The following GTPBP1 variants were observed in gnomAD, a reference collection of about 807,000 sequenced individuals.
The protein encoded by GTPBP1 is GTP binding protein 1, also known as GTP-binding protein 1.
A neutral mutation model predicts 62.0 loss-of-function variants in GTPBP1; 23 were observed. The observed-to-expected ratio is 0.37, with a 90% CI of 0.27 to 0.53. The LOEUF (loss-of-function observed/expected upper bound fraction) is 0.53, where lower values mean the gene tolerates loss of function less well. Ranked by LOEUF, GTPBP1 falls within the 20% of genes least tolerant of loss-of-function variation. GTPBP1 has a pLI of 0.89. For synonymous variants in GTPBP1, 344 were observed against 364.4 expected, an observed-to-expected ratio of 0.94 and a Z score of 0.64; for missense variants, 640 against 917.3, an observed-to-expected ratio of 0.70 and a Z score of 3.90.
At chr22:38,739,084 G>A (rs998623669), downstream of GTPBP1, 8 of 1,249,306 alleles carry the variant, frequency 6.4e-6, no homozygotes, top group African/African-American at 4.5e-5. This position sits in a 1 kb window ranked among gnomAD's most constrained non-coding sequence, Gnocchi z 6.7. Context: ...GACGGCAGAT[G>A]CCCCAGGCCT....
chr22:38,707,332 A>G (rs1345460971), intron 1 of GTPBP1, among the ~76,000 whole-genome samples: 1 of 152,238 alleles, frequency 6.6e-6, no homozygotes, highest in Non-Finnish European at 1.5e-5. Context: ...GCAAATTTGC[A>G]TGAAACTTGG....
At chr22:38,738,630 G>A (rs1490324925), downstream of GTPBP1, 28 of 1,613,886 alleles carry the variant, frequency 1.7e-5, no homozygotes, top group Non-Finnish European at 2.3e-5. The surrounding 1 kb of genome is among the most constrained non-coding windows in gnomAD (Gnocchi z 6.6). Context: ...AGTGCTGTTG[G>A]GTGACAAGGC....
At chr22:38,736,469 G>C (rs963661935), downstream of GTPBP1, 1 of 1,063,554 alleles carries the variant, frequency 9.4e-7, no homozygotes, top group East Asian at 2.7e-5. Flanking sequence ...GCCTCGCCTA[G>C]GGCCAGATGG....
chr22:38,725,768 G>A (rs1165977863), intron 6 of GTPBP1: 3 of 534,234 alleles, frequency 5.6e-6, no homozygotes, highest in Non-Finnish European at 6.7e-6. Context: ...GAGAGGAGAG[G>A]ACAGGTGTCA....
Position 38,723,325 on chromosome 22 carries a change from G to C in GTPBP1, c.959-972G>C. 1.2e-5 allele frequency: 10 copies of C among 831,128 alleles called. No homozygotes were observed. The South Asian group carries it at 1.3e-4, about 11-fold the overall frequency. 51.5% of individuals were successfully genotyped at this position (831,128 alleles called of 1,614,324 possible). A position where few individuals can be genotyped will look rare whatever the true frequency, so the allele number is the denominator to read the frequency against. On this transcript the variant is annotated intron_variant, in intron 5 of 11. Coordinates refer to ENST00000216044, the MANE Select transcript of GTPBP1 (RefSeq NM_004286.5). The stretch of plus-strand genomic sequence containing the variant: ...CATGCTGGGCGACAGCAGGTGCATG[G>C]TATGAGGAGCTGGTGCTAAAGAATT...
intron 2 of GTPBP1, among the ~76,000 whole-genome samples, chr22:38,713,950 A>G (rs2092654316): frequency 1.3e-5 from 2 of 152,194 alleles, no homozygotes; most frequent in African/African-American, 2.4e-5. Flanking sequence ...AAGCCATAGA[A>G]CAAGATGGCC....
At chr22:38,734,004 A>G (rs2092780397), downstream of GTPBP1, 3 of 220,924 alleles carry the variant, frequency 1.4e-5, no homozygotes, top group South Asian at 9.1e-5. Flanking sequence ...AGTGAAGGGG[A>G]GTGAGCACAG....
At position 38,727,971 on chromosome 22, in the gene GTPBP1, C is replaced by T; in HGVS notation, c.1538-12C>T. On this transcript the variant is annotated splice_polypyrimidine_tract_variant and intron_variant, in intron 9 of 11. Transcript: ENST00000216044. The surrounding 1 kb of genome is among the most constrained non-coding windows in gnomAD (Gnocchi z 6.5). ...GGCTCCAGCCTATCCTGACCTCTGG[C>T]TTCCTTGACAGTGCACTGTGGGAGC... The T allele has an allele frequency of 6.2e-7, 1 of 1,612,256 alleles. No homozygotes were observed. Among genetic ancestry groups the T allele is most frequent in the South Asian group, 1.1e-5 (1 of 91,010 alleles).
At position 38,726,156 on chromosome 22, in the gene GTPBP1, T is replaced by C; in HGVS notation, c.1218+6T>C. ...ATGACACCTACTCCGTCCCGGTAAGTGGCTCTGGGCGGGTAGCTGGGTGGG... is the reference window on the plus strand; with the variant it reads ...ATGACACCTACTCCGTCCCGGTAAGCGGCTCTGGGCGGGTAGCTGGGTGGG... On this transcript the variant is annotated splice_donor_region_variant and intron_variant, in intron 7 of 11. Coordinates refer to ENST00000216044, the MANE Select transcript of GTPBP1 (RefSeq NM_004286.5). The surrounding 1 kb of genome is among the most constrained non-coding windows in gnomAD (Gnocchi z 4.1). 1 of 1,610,922 alleles carries C rather than the reference T, an allele frequency of 6.2e-7. No individual in the cohort carries two copies. Among genetic ancestry groups the C allele is most frequent in the South Asian group, 1.1e-5 (1 of 91,016 alleles).
At chr22:38,736,991 A>G (rs541907658), downstream of GTPBP1, among the ~76,000 whole-genome samples, 13 of 152,234 alleles carry the variant, frequency 8.5e-5, no homozygotes, top group South Asian at 2.7e-3. Context: ...CCACAGGTGC[A>G]TGTCACCACA....
chr22:38,738,297 G>T, downstream of GTPBP1: 1 of 1,586,228 alleles, frequency 6.3e-7, no homozygotes, highest in Non-Finnish European at 8.6e-7. The surrounding 1 kb of genome is among the most constrained non-coding windows in gnomAD (Gnocchi z 6.6). Context: ...GTGGGGAGGG[G>T]CTGGAGCAGG....
chr22:38,707,194 C>T (rs2092610325), intron 1 of GTPBP1, among the ~76,000 whole-genome samples: 1 of 152,196 alleles, frequency 6.6e-6, no homozygotes. Flanking sequence ...TTCCTAATTT[C>T]CTGTGCAGAT....
At chr22:38,739,303 G>T, downstream of GTPBP1, 1 of 1,604,346 alleles carries the variant, frequency 6.2e-7, no homozygotes. This position sits in a 1 kb window ranked among gnomAD's most constrained non-coding sequence, Gnocchi z 6.7. Flanking sequence ...CCATTGCGGG[G>T]TCCAGGACAA....
At chr22:38,721,242 G>C (rs2092699045) in intron 4 of GTPBP1, among the ~76,000 whole-genome samples, 2 of 152,140 alleles carry the variant, frequency 1.3e-5, no homozygotes, top group South Asian at 2.1e-4. Context: ...ACCACGCCTG[G>C]CTAATTTTGT....
chr22:38,724,176 C>G (rs955054003), intron 5 of GTPBP1, 121 bp from the exon 6 acceptor site: 1 of 665,518 alleles, frequency 1.5e-6, no homozygotes, highest in Non-Finnish European at 2.8e-6. Context: ...GCATTTAACA[C>G]TGGTCCATCT....
downstream of GTPBP1, chr22:38,739,067 GA>G: frequency 2.2e-6 from 3 of 1,392,654 alleles, no homozygotes; most frequent in Non-Finnish European, 3.0e-6. The surrounding 1 kb of genome is among the most constrained non-coding windows in gnomAD (Gnocchi z 6.7). Flanking sequence ...TCTCCTCGCT[GA>G]AGGTGGACGG....
intron 4 of GTPBP1, among the ~76,000 whole-genome samples, chr22:38,721,131 G>A (rs990236924): frequency 6.6e-6 from 1 of 152,172 alleles, no homozygotes; most frequent in Non-Finnish European, 1.5e-5. Context: ...CCAGGCTGGA[G>A]TGCAATGGCA....
chr22:38,708,124 C>A (rs1478065144), intron 1 of GTPBP1, among the ~76,000 whole-genome samples: 1 of 152,174 alleles, frequency 6.6e-6, no homozygotes, highest in African/African-American at 2.4e-5. Flanking sequence ...GTATTAGCTC[C>A]GTTTTATAGA....
At chr22:38,707,944 T>C (rs557250325) in intron 1 of GTPBP1, among the ~76,000 whole-genome samples, 8 of 152,300 alleles carry the variant, frequency 5.3e-5, no homozygotes, top group African/African-American at 1.7e-4. Context: ...TCCGAGAGCT[T>C]CCAAAGGGAG....
Sources: gnomAD v4.1 joint callset for allele counts (sites outside exome capture counted in the v4.1 genomes callset) on GRCh38, gnomAD v4.1.1 for gene constraint, Gnocchi (gnomAD v3.1) non-coding constraint, MANE v1.5 for transcripts, NCBI Gene and HGNC (gene_info 2026-07-23, HGNC 2026-07-21) for gene names.